LDLRAD4: variants seen among roughly 807,000 people sequenced by gnomAD.
The protein encoded by LDLRAD4 is low density lipoprotein receptor class A domain containing 4.
Under a neutral mutation model 17.0 loss-of-function variants are expected in LDLRAD4, and 5 were observed. The observed-to-expected ratio is 0.29, with a 90% CI of 0.15 to 0.62. The LOEUF is 0.62. LDLRAD4 is among the 20% of genes least tolerant of loss of function. LDLRAD4 has a pLI of 0.84. For synonymous variants in LDLRAD4, 168 were observed against 171.8 expected, an observed-to-expected ratio of 0.98 and a Z score of 0.17; for missense variants, 340 against 424.7, an observed-to-expected ratio of 0.80 and a Z score of 1.75.
At chr18:13,560,115 T>G (rs1455843956) in intron 3 of LDLRAD4, among the ~76,000 whole-genome samples, 1 of 152,218 alleles carries the variant, frequency 6.6e-6, no homozygotes, top group East Asian at 1.9e-4. Flanking sequence ...ATGCTTTTAT[T>G]TTTTTCTTTT....
intron 1 of LDLRAD4, among the ~76,000 whole-genome samples, chr18:13,351,467 CA>C (rs2083031495): frequency 6.6e-6 from 1 of 152,018 alleles, no homozygotes; most frequent in African/African-American, 2.4e-5. Context: ...GTGATTTTTG[CA>C]CATTGATTTT....
chr18:13,610,674 G>GT (rs2039465330), intron 3 of LDLRAD4, among the ~76,000 whole-genome samples: 1 of 152,202 alleles, frequency 6.6e-6, no homozygotes, highest in African/African-American at 2.4e-5. Context: ...AGCCTATCAT[G>GT]TGACTGAGCC....
intron 1 of LDLRAD4, among the ~76,000 whole-genome samples, chr18:13,318,338 T>G (rs1298982908): frequency 6.6e-6 from 1 of 152,088 alleles, no homozygotes; most frequent in South Asian, 2.1e-4. Flanking sequence ...CTCAGTTCAC[T>G]GCAACCTCCG....
chr18:13,623,154 T>C (rs2040810283), intron 4 of LDLRAD4, among the ~76,000 whole-genome samples: 1 of 152,218 alleles, frequency 6.6e-6, no homozygotes, highest in Non-Finnish European at 1.5e-5. Context: ...GTCAAAAAAG[T>C]GTCTTCTGTG....
chr18:13,310,621 C>T (rs1375466319), intron 1 of LDLRAD4, among the ~76,000 whole-genome samples: 3 of 152,222 alleles, frequency 2.0e-5, no homozygotes, highest in Admixed American at 6.5e-5. Flanking sequence ...CGCCCCTTCA[C>T]CTCCTCTTCC....
At chr18:13,651,126 G>A (rs1285115573) in exon 6 of LDLRAD4, 1 of 152,218 alleles carries the variant, frequency 6.6e-6, no homozygotes, top group East Asian at 1.9e-4. Flanking sequence ...TCTATCTCCT[G>A]CTGTAGCATC....
At position 13,399,692 on chromosome 18, in the gene LDLRAD4, C is replaced by T. The variant is rs564688022; in HGVS notation, c.40+11930C>T. On this transcript the variant is annotated intron_variant, in intron 2 of 5. Coordinates refer to ENST00000359446, the Ensembl canonical transcript of LDLRAD4. ...GCATCTGAGGACATCCTTAGAAGAA[C>T]AGCTCCTAAGGGTTTCCAGGGATGG... Among the ~76,000 whole-genome samples the T allele has an allele frequency of 7.2e-5, 11 of 152,340 alleles. No homozygotes were observed. In the South Asian group the frequency reaches 2.3e-3, roughly 32 times the overall value.
intron 1 of LDLRAD4, among the ~76,000 whole-genome samples, chr18:13,242,648 A>G (rs560798353): frequency 6.6e-6 from 1 of 152,330 alleles, no homozygotes; most frequent in South Asian, 2.1e-4. Context: ...TTTTTAATTA[A>G]AAAATTAAAA....
intron 4 of LDLRAD4, among the ~76,000 whole-genome samples, chr18:13,643,021 C>T (rs973533433): frequency 5.3e-5 from 8 of 151,612 alleles, no homozygotes; most frequent in Non-Finnish European, 1.2e-4. Flanking sequence ...CTGCAACCTC[C>T]GCGTCCCAGG....
intron 3 of LDLRAD4, among the ~76,000 whole-genome samples, chr18:13,445,789 GTCTC>G (rs565294079): frequency 1.3e-5 from 2 of 151,414 alleles, no homozygotes; most frequent in Non-Finnish European, 3.0e-5. Context: ...GTGAGGTTGA[GTCTC>G]TGGTGCATAT....
intron 3 of LDLRAD4, among the ~76,000 whole-genome samples, chr18:13,606,478 G>A (rs1219176137): frequency 6.6e-6 from 1 of 152,052 alleles, no homozygotes; most frequent in African/African-American, 2.4e-5. Flanking sequence ...AGCTCCATGG[G>A]GTCACACACT....
intron 2 of LDLRAD4, among the ~76,000 whole-genome samples, chr18:13,397,229 C>T (rs938846464): frequency 5.3e-5 from 8 of 152,072 alleles, no homozygotes; most frequent in Non-Finnish European, 7.4e-5. Flanking sequence ...CTGCAAGCTC[C>T]GCCTGCCTGG....
At chr18:13,634,453 A>C (rs2041920747) in intron 4 of LDLRAD4, among the ~76,000 whole-genome samples, 1 of 152,252 alleles carries the variant, frequency 6.6e-6, no homozygotes, top group African/African-American at 2.4e-5. Flanking sequence ...GAAATTAAGA[A>C]AATTCCATTT....
At chr18:13,251,139 T>A (rs536788368) in intron 1 of LDLRAD4, among the ~76,000 whole-genome samples, 1 of 152,310 alleles carries the variant, frequency 6.6e-6, no homozygotes, top group South Asian at 2.1e-4. Context: ...CATGAACATC[T>A]CAATAGATGC....
Position 13,440,787 on chromosome 18 carries a change from G to T in LDLRAD4, c.181+2403G>T, listed in dbSNP as rs2090974356. Among the ~76,000 whole-genome samples the T allele has an allele frequency of 6.6e-6, 1 of 152,204 alleles. No homozygotes were observed. Among genetic ancestry groups the T allele is most frequent in the South Asian group, 2.1e-4 (1 of 4,830 alleles). ...TCCACTCCCCACGTGGCCCTTCCTG[G>T]GGAGTGCACTGCTGTGACTTTGTAT... On this transcript the variant is annotated intron_variant, in intron 3 of 5. Coordinates refer to ENST00000359446, the Ensembl canonical transcript of LDLRAD4. This position sits in a 1 kb window ranked among gnomAD's most constrained non-coding sequence, Gnocchi z 4.4.
At chr18:13,289,734 ATGGGAGGTGGAGAGAACAGC>A (rs2045859141) in intron 1 of LDLRAD4, among the ~76,000 whole-genome samples, 3 of 152,250 alleles carry the variant, frequency 2.0e-5, no homozygotes, top group Non-Finnish European at 4.4e-5. Flanking sequence ...CCGTGGAGAG[ATGGGAGGTGGAGAGAACAGC>A]TGGGTTGCAG....
intron 1 of LDLRAD4, among the ~76,000 whole-genome samples, chr18:13,271,338 C>T (rs781198928): frequency 3.3e-5 from 5 of 152,128 alleles, no homozygotes; most frequent in African/African-American, 7.2e-5. Context: ...GGCATCGTGA[C>T]GTTAGGCGTT....
chr18:13,610,976 G>A (rs2039499994), intron 3 of LDLRAD4: 1 of 153,468 alleles, frequency 6.5e-6, no homozygotes, highest in South Asian at 2.1e-4. Context: ...CACTTTCCTT[G>A]CTGAAATTCT....
intron 3 of LDLRAD4, among the ~76,000 whole-genome samples, chr18:13,516,708 T>A (rs541648923): frequency 6.6e-6 from 1 of 152,310 alleles, no homozygotes; most frequent in South Asian, 2.1e-4. Flanking sequence ...TATAAAGGTG[T>A]TTAGGTTTGT....
Sources: gnomAD v4.1 joint callset for allele counts (sites outside exome capture counted in the v4.1 genomes callset) on GRCh38, gnomAD v4.1.1 for gene constraint, Gnocchi (gnomAD v3.1) non-coding constraint, MANE v1.5 for transcripts, NCBI Gene and HGNC (gene_info 2026-07-23, HGNC 2026-07-21) for gene names.